The following TBX15 variants were observed in gnomAD, a reference collection of about 807,000 sequenced individuals.
TBX15 encodes T-box transcription factor 15, also known as T-box transcription factor TBX15.
A neutral mutation model predicts 53.9 loss-of-function variants in TBX15; 18 were observed. The observed-to-expected ratio is 0.33, with a 90% CI of 0.23 to 0.49. TBX15 has a LOEUF of 0.49. Among genes scored for constraint, TBX15 ranks in the 20% least tolerant of loss-of-function variants. The pLI is 0.98. For synonymous variants in TBX15, 295 were observed against 278.0 expected, an observed-to-expected ratio of 1.06 and a Z score of -0.61; for missense variants, 692 against 749.5, an observed-to-expected ratio of 0.92 and a Z score of 0.90.
rs374522962 is a variant in TBX15 at position 118,927,125 on chromosome 1, G to A, written c.420-514C>T. On this transcript the variant is annotated intron_variant, in intron 2 of 7. Transcript: ENST00000369429. ...TTTTCACTTTGGAAATTATCACTAT[G>A]AAATATACAATAGACTTATACTACT... Among the ~76,000 whole-genome samples, 18 of 152,216 alleles carry A rather than the reference G, an allele frequency of 1.2e-4. No individual in the cohort carries two copies. In the South Asian group the frequency reaches 3.7e-3, roughly 32 times the overall value.
chr1:118,985,090 C>T (rs950300543), intron 1 of TBX15, among the ~76,000 whole-genome samples: 6 of 152,104 alleles, frequency 3.9e-5, no homozygotes, highest in African/African-American at 1.4e-4. Context: ...TAGGCATGAA[C>T]GTGTGCGTGT....
rs750560880 is a variant in TBX15, at chr1:118,899,074, C to T, written c.978G>A (p.Val326=). Residue 326 remains valine, a synonymous_variant, in exon 7 of 8, where the codon GTG becomes GTA. Transcript: ENST00000369429. ...TGAAGTCTTCGAAGGTGAGTGTGCG[C>T]ACAGGAGGTCTCCAGAATGCATATG... ...METYAFWRPP[V]RTLTFEDFTT... is the part of the protein sequence containing the mutation. 1 of 1,613,612 alleles carries T rather than the reference C, an allele frequency of 6.2e-7. No homozygotes were observed. Among genetic ancestry groups the T allele is most frequent in the South Asian group, 1.1e-5 (1 of 91,076 alleles).
chr1:118,893,996 A>G (rs1654307055), intron 7 of TBX15, among the ~76,000 whole-genome samples: 1 of 152,202 alleles, frequency 6.6e-6, no homozygotes, highest in African/African-American at 2.4e-5. Flanking sequence ...CACCTTAAGG[A>G]TACTTGGCCT....
chr1:118,928,917 C>G (rs188676281), intron 2 of TBX15, among the ~76,000 whole-genome samples: 3 of 152,316 alleles, frequency 2.0e-5, no homozygotes, highest in African/African-American at 7.2e-5. Flanking sequence ...TACAGTGCCC[C>G]CTTGCTTTAA....
chr1:118,884,889 G>A lies in TBX15; in HGVS notation c.1652C>T (p.Ala551Val). Residue 551 changes from alanine (A) to valine (V), a missense_variant, in exon 8 of 8, where the codon GCC becomes GTC. Ala to Val is a moderately conservative substitution (Grantham distance 64, BLOSUM62 0). Coordinates refer to ENST00000369429, the MANE Select transcript of TBX15 (RefSeq NM_001330677.2). The stretch of plus-strand genomic sequence containing the variant: ...CGGCAGGTACTGCCTCTCTCCAAAG[G>A]CCCCGTTGGAAGGAGAAGAACAGAG... ...TLLCSSPSNGAFGERQYLPSG... is the reference protein window; with the variant it reads ...TLLCSSPSNGVFGERQYLPSG... The A allele has an allele frequency of 3.1e-6, 5 of 1,614,190 alleles. No individual in the cohort carries two copies. The highest frequency in any genetic ancestry group is 4.2e-6 in the Non-Finnish European group (5 of 1,180,032).
intron 6 of TBX15, among the ~76,000 whole-genome samples, chr1:118,906,830 C>T (rs1373155565): frequency 6.6e-6 from 1 of 152,164 alleles, no homozygotes; most frequent in Non-Finnish European, 1.5e-5. Context: ...CAGCAAACAG[C>T]ACTGCTGGCT....
At chr1:118,949,440 T>C (rs1019084721) in intron 1 of TBX15, among the ~76,000 whole-genome samples, 2 of 152,232 alleles carry the variant, frequency 1.3e-5, no homozygotes, top group African/African-American at 4.8e-5. Flanking sequence ...GGAGAACTAA[T>C]GTCTTCATCA....
At chr1:118,912,460 C>A (rs1025732562) in intron 6 of TBX15, among the ~76,000 whole-genome samples, 2 of 152,106 alleles carry the variant, frequency 1.3e-5, no homozygotes, top group Non-Finnish European at 2.9e-5. Context: ...CTTAAAAGCC[C>A]TTGCATGCCA....
At chr1:118,896,109 T>G (rs1654415044) in intron 7 of TBX15, among the ~76,000 whole-genome samples, 1 of 152,178 alleles carries the variant, frequency 6.6e-6, no homozygotes, top group African/African-American at 2.4e-5. Flanking sequence ...GCTCCTCGGC[T>G]ATCATTAGTT....
chr1:118,936,297 A>G (rs1655963580), intron 1 of TBX15, among the ~76,000 whole-genome samples: 1 of 152,306 alleles, frequency 6.6e-6, no homozygotes, highest in South Asian at 2.1e-4. Flanking sequence ...AAATGCCTAA[A>G]TTGCATACAC....
At chr1:118,949,371 AG>A (rs1386319478) in intron 1 of TBX15, among the ~76,000 whole-genome samples, 1 of 152,220 alleles carries the variant, frequency 6.6e-6, no homozygotes, top group Non-Finnish European at 1.5e-5. Flanking sequence ...TCTCCCCTCT[AG>A]AAATAAGGTC....
At position 118,923,216 on chromosome 1, in the gene TBX15, T is replaced by A. The variant is rs188832736; in HGVS notation, c.861+220A>T. On this transcript the variant is annotated intron_variant, in intron 5 of 7. Coordinates refer to ENST00000369429, the MANE Select transcript of TBX15 (RefSeq NM_001330677.2). ...TAGCACCCAAACCAAACTAAAGCTC[T>A]TCTTCTATTTTAGATCAAATGTGGC... Among the ~76,000 whole-genome samples, 11 of 152,280 alleles carry A rather than the reference T, an allele frequency of 7.2e-5. No homozygotes were observed. In the East Asian group the frequency reaches 2.1e-3, roughly 29 times the overall value.
intron 1 of TBX15, among the ~76,000 whole-genome samples, chr1:118,945,916 A>T (rs1214678937): frequency 6.6e-6 from 1 of 152,188 alleles, no homozygotes; most frequent in African/African-American, 2.4e-5. Flanking sequence ...ATGGGATCTT[A>T]TTGATGGTGT....
intron 6 of TBX15, among the ~76,000 whole-genome samples, chr1:118,906,515 C>T (rs1654833974): frequency 6.6e-6 from 1 of 152,146 alleles, no homozygotes. Flanking sequence ...GGGGCTGGCC[C>T]TCCAACAGGG....
intron 6 of TBX15, among the ~76,000 whole-genome samples, chr1:118,908,425 GA>G (rs1654914285): frequency 6.7e-6 from 1 of 149,746 alleles, no homozygotes; most frequent in Non-Finnish European, 1.5e-5. Flanking sequence ...ATTTCTCCCT[GA>G]AAACAGGCAA....
chr1:118,954,742 T>C (rs1231816245), intron 1 of TBX15, among the ~76,000 whole-genome samples: 1 of 152,210 alleles, frequency 6.6e-6, no homozygotes, highest in Non-Finnish European at 1.5e-5. Context: ...GAAATATTTC[T>C]GGGATTAATA....
chr1:118,884,442 G>C lies in TBX15; in HGVS notation c.*290C>G, dbSNP rs1251306016. Reference sequence around the variant, plus strand: ...ATCTCCCTTAACATTATGACGAAGTGATTATTCAGTCTCTTCAAAGGCCAC... The same window carrying C: ...ATCTCCCTTAACATTATGACGAAGTCATTATTCAGTCTCTTCAAAGGCCAC... On this transcript the variant is annotated 3_prime_UTR_variant, in exon 8 of 8. Coordinates refer to ENST00000369429, the MANE Select transcript of TBX15 (RefSeq NM_001330677.2). 1 of 466,522 alleles carries C rather than the reference G, an allele frequency of 2.1e-6. No homozygotes were observed. Among genetic ancestry groups the C allele is most frequent in the Non-Finnish European group, 3.9e-6 (1 of 256,248 alleles). 28.9% of individuals were successfully genotyped at this position (466,522 alleles called of 1,614,324 possible). A position where few individuals can be genotyped will look rare whatever the true frequency, so the allele number is the denominator to read the frequency against.
chr1:118,944,375 C>T (rs187071175), intron 1 of TBX15, among the ~76,000 whole-genome samples: 119 of 152,306 alleles, frequency 7.8e-4, no homozygotes, highest in African/African-American at 2.7e-3. Context: ...TTATTCTTAA[C>T]TCCATTCCCG....
In TBX15 at chr1:118,924,772, A is replaced by G. The variant is rs1291572330; in HGVS notation, c.567T>C (p.Asp189=). ...TATAAACTCTTGGGGGCACAGGGGA[A>G]TCAGCATTGCCAGCCACCATCCACT... The part of the protein sequence containing the change: ...SSKWMVAGNA[D]SPVPPRVYIH... Residue 189 remains aspartate, a synonymous_variant, in exon 4 of 8, where the codon GAT becomes GAC. Coordinates refer to ENST00000369429, the MANE Select transcript of TBX15 (RefSeq NM_001330677.2). 6.2e-7 allele frequency: 1 copy of G among 1,614,040 alleles called. No individual in the cohort carries two copies.
Sources: allele counts gnomAD v4.1 joint callset (sites outside exome capture counted in the v4.1 genomes callset), GRCh38; gene constraint gnomAD v4.1.1; transcripts MANE v1.5; gene names NCBI Gene and HGNC (gene_info 2026-07-23, HGNC 2026-07-21).